The following PWP1 variants were observed in gnomAD, a reference collection of about 807,000 sequenced individuals.
PWP1 encodes PWP1 homolog, endonuclein.
In PWP1, 47 loss-of-function variants were observed where a neutral mutation model predicts 69.9. That is an observed-to-expected ratio of 0.67 (90% confidence interval 0.53 to 0.86). The LOEUF (loss-of-function observed/expected upper bound fraction) is 0.86, where lower values mean the gene tolerates loss of function less well. Ranked by LOEUF, PWP1 falls within the 40% of genes least tolerant of loss-of-function variation. PWP1 has a pLI of 0.00. For missense variants in PWP1, 551 were observed against 608.8 expected (o/e 0.91, Z 1.00); for synonymous variants, 222 against 208.2 (o/e 1.07, Z -0.57).
rs1345928979 is a variant in PWP1 at position 107,704,688 on chromosome 12, C to T, written c.1018C>T (p.Arg340Ter). 1.9e-5 allele frequency: 31 copies of T among 1,613,824 alleles called. No individual in the cohort carries two copies. Among genetic ancestry groups the T allele is most frequent in the East Asian group, 1.8e-4 (8 of 44,890 alleles). The part of the protein sequence containing the change: ...RSPDESHRMW[R>*]FSGQIERVTW... ...TCCAGATGAAAGCCATCGAATGTGG[C>T]GATTCAGTGGGCAGATAGAGAGAGT... The change falls in exon 11 of 15, where the codon CGA becomes TGA. Residue 340 changes from arginine to a stop codon, truncating the protein, a stop_gained. Transcript: ENST00000412830. LOFTEE classifies it high-confidence loss of function.
intron 9 of PWP1, 81 bp downstream of exon 9, chr12:107,703,112 A>G: frequency 2.0e-6 from 2 of 1,007,878 alleles, no homozygotes; most frequent in Non-Finnish European, 3.1e-6. Context: ...ACGTTTATAT[A>G]TGGCTTTGAA....
At chr12:107,699,545 C>T (rs1434301883) in intron 8 of PWP1, 111 bp downstream of exon 8, 1 of 873,356 alleles carries the variant, frequency 1.1e-6, no homozygotes, top group Non-Finnish European at 1.8e-6. Context: ...GTCTATCTTC[C>T]TTTCTTGTAG....
chr12:107,710,308 C>T (rs1428907535), intron 13 of PWP1, 97 bp from the exon 14 acceptor site: 2 of 1,514,950 alleles, frequency 1.3e-6, no homozygotes, highest in Non-Finnish European at 1.8e-6. Context: ...TTTTGAATAA[C>T]CATTTAAATC....
chr12:107,704,311 G>C (rs1889770328), intron 10 of PWP1, among the ~76,000 whole-genome samples: 1 of 152,198 alleles, frequency 6.6e-6, no homozygotes. Context: ...GAGTAACCTG[G>C]CTCTGAGCTC....
intron 6 of PWP1, among the ~76,000 whole-genome samples, chr12:107,696,834 C>G (rs1889599255): frequency 6.6e-6 from 1 of 152,100 alleles, no homozygotes; most frequent in African/African-American, 2.4e-5. Flanking sequence ...GGGCCTGAAG[C>G]CTTTTGGACT....
rs764207565 is a variant in PWP1, at chr12:107,692,989, C to A, written c.406-11C>A. ...GCTTCTAGTCAATGACATTTTTTTC[C>A]TCTCACTTAGGAACAATATGAACGT... On this transcript the variant is annotated splice_polypyrimidine_tract_variant and intron_variant, in intron 4 of 14. Transcript: ENST00000412830. 1 of 1,612,568 alleles carries A rather than the reference C, an allele frequency of 6.2e-7. No individual in the cohort carries two copies. Among genetic ancestry groups the A allele is most frequent in the Admixed American group, 1.7e-5 (1 of 59,682 alleles).
intron 11 of PWP1, among the ~76,000 whole-genome samples, chr12:107,705,600 A>G (rs1889806544): frequency 7.2e-6 from 1 of 139,276 alleles, no homozygotes; most frequent in African/African-American, 2.7e-5. Context: ...ATTCCCACCT[A>G]TGAGTGAGAA....
chr12:107,697,562 A>G lies in PWP1; in HGVS notation c.709A>G (p.Lys237Glu). The change falls in exon 7 of 15, where the codon AAA becomes GAA. Residue 237 changes from lysine (K) to glutamate (E), a missense_variant. Transcript: ENST00000412830. ...SLEPVFTLGS[K>E]LSKKKKKKGK... ...AGAGCCAGTCTTCACACTCGGAAGT[A>G]AACTTTCAAAAAAGAAGAAAAAGAA... 1 of 1,606,486 alleles carries G rather than the reference A, an allele frequency of 6.2e-7. No individual in the cohort carries two copies. Among genetic ancestry groups the G allele is most frequent in the Non-Finnish European group, 8.5e-7 (1 of 1,177,588 alleles).
Position 107,688,517 on chromosome 12 carries a change from G to A in PWP1, c.131+11G>A. Reference sequence around the variant, plus strand: ...AAAGGAGAAATTGCAGTAAGTTTAGGACCAGATGAAATCTATATCTTAAAT... The same window carrying A: ...AAAGGAGAAATTGCAGTAAGTTTAGAACCAGATGAAATCTATATCTTAAAT... On this transcript the variant is annotated intron_variant, in intron 2 of 14. Transcript: ENST00000412830. The A allele has an allele frequency of 6.2e-7, 1 of 1,613,590 alleles. No individual in the cohort carries two copies. The highest frequency in any genetic ancestry group is 8.5e-7 in the Non-Finnish European group (1 of 1,179,780).
chr12:107,698,582 C>A (rs1229538032), intron 7 of PWP1, among the ~76,000 whole-genome samples: 1 of 151,732 alleles, frequency 6.6e-6, no homozygotes, highest in Non-Finnish European at 1.5e-5. Flanking sequence ...AAATTTTTTT[C>A]TTTATTTTTC....
chr12:107,707,832 GTTCTTC>G (rs1889855085), intron 11 of PWP1, among the ~76,000 whole-genome samples: 1 of 152,132 alleles, frequency 6.6e-6, no homozygotes, highest in Non-Finnish European at 1.5e-5. Context: ...TTGCATCGAT[GTTCTTC>G]AGGGATATTG....
rs1889780661 is a variant in PWP1 at position 107,704,739 on chromosome 12, C to A, written c.1069C>A (p.His357Asn). Residue 357 changes from histidine to asparagine, a missense_variant, in exon 11 of 15, where the codon CAT becomes AAT. By Grantham distance (68) the His-to-Asn change is moderately conservative. Coordinates refer to ENST00000412830, the MANE Select transcript of PWP1 (RefSeq NM_007062.3). Reference sequence around the variant, plus strand: ...GACTTGGAATCACTTTTCACCTTGTCATTTCTTGGTAAGAGTACGAATGTT... The same window carrying A: ...GACTTGGAATCACTTTTCACCTTGTAATTTCTTGGTAAGAGTACGAATGTT... ...RVTWNHFSPC[H>N]FLASTDDGFV... 1 of 1,613,152 alleles carries A rather than the reference C, an allele frequency of 6.2e-7. No individual in the cohort carries two copies. The highest frequency in any genetic ancestry group is 8.5e-7 in the Non-Finnish European group (1 of 1,179,206).
At chr12:107,709,514 T>C (rs1300958257) in intron 13 of PWP1, among the ~76,000 whole-genome samples, 1 of 143,600 alleles carries the variant, frequency 7.0e-6, no homozygotes, top group Non-Finnish European at 1.5e-5. Context: ...TGGCTGCTTT[T>C]TTTTTTTTTT....
intron 5 of PWP1, 78 bp from the exon 6 acceptor site, chr12:107,696,396 A>T: frequency 1.3e-6 from 2 of 1,562,492 alleles, no homozygotes; most frequent in Non-Finnish European, 1.7e-6. Context: ...CATTTAATAG[A>T]ATTTGTTTTT....
chr12:107,688,709 C>T lies in PWP1; in HGVS notation c.226C>T (p.Leu76=). The T allele has an allele frequency of 6.2e-7, 1 of 1,614,210 alleles. No homozygotes were observed. Among genetic ancestry groups the T allele is most frequent in the Middle Eastern group, 1.6e-4 (1 of 6,062 alleles). ...CACCCAGGCACGCCCAAGAGAGCCC[C>T]TGGAGGATGGTGACCCAGAGGATGA... The part of the protein sequence containing the change: ...ARTQARPREP[L]EDGDPEDDRT... The change falls in exon 3 of 15, where the codon CTG becomes TTG. Residue 76 remains leucine (L), a synonymous_variant. Transcript: ENST00000412830.
intron 3 of PWP1, among the ~76,000 whole-genome samples, chr12:107,690,264 C>T (rs1217098054): frequency 6.6e-6 from 1 of 152,174 alleles, no homozygotes; most frequent in Non-Finnish European, 1.5e-5. Flanking sequence ...TGTCTAATCC[C>T]AGCTACTTGG....
At chr12:107,690,843 C>G (rs2136272001) in intron 3 of PWP1, among the ~76,000 whole-genome samples, 1 of 152,078 alleles carries the variant, frequency 6.6e-6, no homozygotes, top group Non-Finnish European at 1.5e-5. Flanking sequence ...TTCAAAATTT[C>G]TATAATACAA....
chr12:107,689,896 G>A (rs901709123), intron 3 of PWP1, among the ~76,000 whole-genome samples: 3 of 152,204 alleles, frequency 2.0e-5, no homozygotes, highest in Non-Finnish European at 2.9e-5. Context: ...TAGGTATAAC[G>A]ATAAATGGAA....
chr12:107,694,374 T>A (rs1336511984), intron 5 of PWP1, among the ~76,000 whole-genome samples: 1 of 152,194 alleles, frequency 6.6e-6, no homozygotes, highest in South Asian at 2.1e-4. Flanking sequence ...GTTGCACAGC[T>A]TGAAAAAATA....
Sources: allele counts gnomAD v4.1 joint callset (sites outside exome capture counted in the v4.1 genomes callset), GRCh38; gene constraint gnomAD v4.1.1; transcripts MANE v1.5; gene names NCBI Gene and HGNC (gene_info 2026-07-23, HGNC 2026-07-21).